SPPL3: variants seen among roughly 807,000 people sequenced by gnomAD.
SPPL3 encodes signal peptide peptidase-like 3.
Under a neutral mutation model 42.4 loss-of-function variants are expected in SPPL3, and 5 were observed. The ratio of observed to expected loss-of-function variants is 0.12; its 90% confidence interval spans 0.06 to 0.25. The LOEUF (loss-of-function observed/expected upper bound fraction) is 0.25, where lower values mean the gene tolerates loss of function less well. Ranked by LOEUF, SPPL3 falls within the 10% of genes least tolerant of loss-of-function variation. SPPL3 has a pLI of 1.00. For missense variants in SPPL3, 235 were observed against 489.0 expected (o/e 0.48, Z 4.90); for synonymous variants, 195 against 181.8 (o/e 1.07, Z -0.58).
intron 6 of SPPL3, among the ~76,000 whole-genome samples, chr12:120,780,756 A>C (rs1333015081): frequency 3.3e-5 from 5 of 151,586 alleles, no homozygotes; most frequent in East Asian, 3.9e-4. Flanking sequence ...AAAAAAACAA[A>C]ACAAAAATTA....
intron 1 of SPPL3, among the ~76,000 whole-genome samples, chr12:120,876,761 A>G (rs755377876): frequency 8.6e-5 from 13 of 151,906 alleles, no homozygotes; most frequent in Non-Finnish European, 1.3e-4. Flanking sequence ...CTGGAAAAAA[A>G]GAAAGTTTTC....
chr12:120,852,410 C>T (rs10849801), intron 1 of SPPL3, among the ~76,000 whole-genome samples: 1,020 of 32,306 alleles, frequency 0.032, 77 homozygotes, highest in African/African-American at 0.049. Context: ...GAAATATATG[C>T]ATATATAATA....
At position 120,783,574 on chromosome 12, in the gene SPPL3, C is replaced by T. The variant is rs1869614815; in HGVS notation, c.389+100G>A. The T allele has an allele frequency of 7.9e-6, 9 of 1,138,458 alleles. No homozygotes were observed. In the South Asian group the frequency reaches 1.5e-4, roughly 19 times the overall value. The allele number at this position is 1,138,458 out of a possible 1,614,324, so 70.5% of individuals were successfully genotyped here. A position where few individuals can be genotyped will look rare whatever the true frequency, so the allele number is the denominator to read the frequency against. On this transcript the variant is annotated intron_variant, in intron 5 of 10. Transcript: ENST00000353487. ...CCTGGTCTTTTGGCATTTCTGTGCTCCAGCCAATAACAGAAATTGAGAATC... is the reference window on the plus strand; with the variant it reads ...CCTGGTCTTTTGGCATTTCTGTGCTTCAGCCAATAACAGAAATTGAGAATC...
chr12:120,802,121 T>C (rs1349278992), intron 2 of SPPL3, among the ~76,000 whole-genome samples: 1 of 152,026 alleles, frequency 6.6e-6, no homozygotes, highest in Non-Finnish European at 1.5e-5. Flanking sequence ...CTTTATGTCC[T>C]AGAGTGGATT....
chr12:120,774,328 C>T (rs1158569368), intron 6 of SPPL3, among the ~76,000 whole-genome samples: 1 of 152,202 alleles, frequency 6.6e-6, no homozygotes, highest in African/African-American at 2.4e-5. Flanking sequence ...CATCTGTTCA[C>T]ATAATTTCCT....
intron 1 of SPPL3, among the ~76,000 whole-genome samples, chr12:120,852,779 AAT>A (rs1555252658): frequency 1.6e-5 from 1 of 62,158 alleles, no homozygotes; most frequent in African/African-American, 5.6e-5. Context: ...TTATATATAA[AAT>A]ATATTTCATA....
chr12:120,795,862 T>C (rs1370296402), intron 2 of SPPL3, among the ~76,000 whole-genome samples: 2 of 152,192 alleles, frequency 1.3e-5, no homozygotes, highest in Non-Finnish European at 2.9e-5. Flanking sequence ...CACTGGAGGT[T>C]TCTCTCTAAT....
chr12:120,834,328 G>T (rs1364922162), intron 1 of SPPL3, among the ~76,000 whole-genome samples: 1 of 152,202 alleles, frequency 6.6e-6, no homozygotes. Flanking sequence ...GGGCAATGGA[G>T]TGGTGAAATG....
chr12:120,898,376 A>G (rs1873878042), intron 1 of SPPL3, among the ~76,000 whole-genome samples: 1 of 147,822 alleles, frequency 6.8e-6, no homozygotes, highest in Non-Finnish European at 1.5e-5. Context: ...TATCTATTAA[A>G]TGCCAGGCAC....
chr12:120,783,655 G>T lies in SPPL3; in HGVS notation c.389+19C>A. ...TATATACAAGTTTATAATTTAAGAG[G>T]AAAGTCCCAAGTCCTTACTTGTTCT... On this transcript the variant is annotated intron_variant, in intron 5 of 10. Coordinates refer to ENST00000353487, the MANE Select transcript of SPPL3 (RefSeq NM_139015.5). 1 of 1,579,460 alleles carries T rather than the reference G, an allele frequency of 6.3e-7. No homozygotes were observed. Among genetic ancestry groups the T allele is most frequent in the Non-Finnish European group, 8.6e-7 (1 of 1,161,900 alleles).
chr12:120,885,831 G>C (rs1392890305), intron 1 of SPPL3, among the ~76,000 whole-genome samples: 7 of 147,966 alleles, frequency 4.7e-5, no homozygotes, highest in African/African-American at 1.5e-4. Flanking sequence ...TGTGAGTAAA[G>C]TCATTCAAAC....
intron 1 of SPPL3, among the ~76,000 whole-genome samples, chr12:120,820,305 A>ATTTTT (rs754034719): frequency 3.5e-4 from 48 of 139,008 alleles, no homozygotes; most frequent in Non-Finnish European, 6.2e-4. Flanking sequence ...TCTTTCTCTA[A>ATTTTT]ATTTTTTTTT....
intron 3 of SPPL3, among the ~76,000 whole-genome samples, chr12:120,789,861 T>C (rs991352149): frequency 7.0e-6 from 1 of 143,326 alleles, no homozygotes; most frequent in African/African-American, 2.7e-5. Context: ...AGAGCTGTAT[T>C]ACCAGGTAAC....
intron 2 of SPPL3, among the ~76,000 whole-genome samples, chr12:120,793,888 T>A (rs1296787969): frequency 6.6e-6 from 1 of 152,240 alleles, no homozygotes; most frequent in Non-Finnish European, 1.5e-5. Flanking sequence ...TGTTGTTGGA[T>A]GGAACATTCT....
At chr12:120,868,444 A>G (rs943178446) in intron 1 of SPPL3, among the ~76,000 whole-genome samples, 2 of 149,382 alleles carry the variant, frequency 1.3e-5, no homozygotes, top group African/African-American at 4.9e-5. Flanking sequence ...CAACAGATAG[A>G]TGGTGTAGTA....
At chr12:120,765,288 TA>T (rs1005231611) in intron 10 of SPPL3, among the ~76,000 whole-genome samples, 14 of 119,416 alleles carry the variant, frequency 1.2e-4, no homozygotes, top group Admixed American at 2.9e-4. Flanking sequence ...CCCTTTCTGA[TA>T]TTTTTTTTTT....
intron 2 of SPPL3, among the ~76,000 whole-genome samples, chr12:120,808,386 T>C (rs1483075853): frequency 2.6e-5 from 4 of 152,158 alleles, no homozygotes; most frequent in African/African-American, 4.8e-5. Flanking sequence ...AGTTTCCTCA[T>C]TTGTAAACAG....
intron 1 of SPPL3, among the ~76,000 whole-genome samples, chr12:120,835,090 T>C (rs1460742704): frequency 6.6e-6 from 1 of 152,184 alleles, no homozygotes; most frequent in African/African-American, 2.4e-5. Context: ...TACATCTTAT[T>C]TGTCCTGTTA....
chr12:120,829,310 C>T (rs1871323692), intron 1 of SPPL3, among the ~76,000 whole-genome samples: 1 of 152,250 alleles, frequency 6.6e-6, no homozygotes, highest in East Asian at 1.9e-4. Flanking sequence ...AAAAGCTGCT[C>T]TTTGGCTGGG....
Sources: allele counts gnomAD v4.1 joint callset (sites outside exome capture counted in the v4.1 genomes callset), GRCh38; gene constraint gnomAD v4.1.1; transcripts MANE v1.5; gene names NCBI Gene and HGNC (gene_info 2026-07-23, HGNC 2026-07-21).